AKAP6: variants seen among roughly 807,000 people sequenced by gnomAD.
AKAP6 encodes A-kinase anchor protein 6.
In AKAP6, 58 loss-of-function variants were observed where a neutral mutation model predicts 188.5. That is an observed-to-expected ratio of 0.31 (90% CI 0.25 to 0.38). AKAP6 has a LOEUF of 0.38. Ranked by LOEUF, AKAP6 falls within the 10% of genes least tolerant of loss-of-function variation. AKAP6 has a pLI of 1.00. For synonymous variants in AKAP6, 989 were observed against 998.6 expected (o/e 0.99, Z 0.18); for missense variants, 2,710 against 2,740.0 (o/e 0.99, Z 0.24).
intron 12 of AKAP6, among the ~76,000 whole-genome samples, chr14:32,820,207 TGCATAA>T (rs2034484987): frequency 6.6e-6 from 1 of 152,022 alleles, no homozygotes; most frequent in South Asian, 2.1e-4. Flanking sequence ...TTGGCTACGC[TGCATAA>T]GCATAAGCTG....
intron 2 of AKAP6, among the ~76,000 whole-genome samples, chr14:32,529,207 A>G (rs1449635468): frequency 2.0e-5 from 3 of 152,146 alleles, no homozygotes; most frequent in African/African-American, 7.2e-5. Flanking sequence ...TTTATACCTA[A>G]GATTTCATTT....
intron 2 of AKAP6, among the ~76,000 whole-genome samples, chr14:32,527,775 C>T (rs1882207139): frequency 6.6e-6 from 1 of 152,036 alleles, no homozygotes; most frequent in African/African-American, 2.4e-5. Flanking sequence ...CTGTTAAGGT[C>T]TTTGGACTGT....
chr14:32,562,097 C>T lies in AKAP6; in HGVS notation c.2347-15023C>T, dbSNP rs1883982796. Among the ~76,000 whole-genome samples, 3 of 152,074 alleles carry T rather than the reference C, an allele frequency of 2.0e-5. 1 individual carries two copies. The South Asian group carries it at 6.2e-4, about 32-fold the overall frequency. On this transcript the variant is annotated intron_variant, in intron 4 of 13. Coordinates refer to ENST00000280979, the MANE Select transcript of AKAP6 (RefSeq NM_004274.5). ...CTGTAATATCTGCTTCATACGCTTT[C>T]CATTCTCAGGTTGATGAGGCTCAGT...
intron 1 of AKAP6, among the ~76,000 whole-genome samples, chr14:32,366,733 G>C (rs917636475): frequency 2.6e-5 from 4 of 151,984 alleles, no homozygotes; most frequent in South Asian, 2.1e-4. Context: ...TTGGGGAGTA[G>C]TGGTGGAAAG....
chr14:32,797,682 C>G (rs185932446), intron 12 of AKAP6, among the ~76,000 whole-genome samples: 2 of 151,966 alleles, frequency 1.3e-5, no homozygotes, highest in Non-Finnish European at 2.9e-5. Flanking sequence ...GAGCTTAATA[C>G]CTAGGTGATG....
chr14:32,485,241 T>A (rs1470286068), intron 2 of AKAP6, among the ~76,000 whole-genome samples: 1 of 150,702 alleles, frequency 6.6e-6, no homozygotes, highest in Non-Finnish European at 1.5e-5. Flanking sequence ...GTTCCAAGTC[T>A]TTGCTATTGT....
chr14:32,747,892 C>T (rs945778381), intron 11 of AKAP6, among the ~76,000 whole-genome samples: 4 of 152,138 alleles, frequency 2.6e-5, no homozygotes, highest in African/African-American at 9.7e-5. Context: ...TTTGAGAAGG[C>T]AGAGATACAG....
chr14:32,815,279 A>G (rs1355332221), intron 12 of AKAP6, among the ~76,000 whole-genome samples: 4 of 152,102 alleles, frequency 2.6e-5, no homozygotes, highest in Non-Finnish European at 4.4e-5. Context: ...CATTCACTAG[A>G]ACAGTTTTTG....
intron 1 of AKAP6, among the ~76,000 whole-genome samples, chr14:32,428,133 A>T (rs1890094513): frequency 6.6e-6 from 1 of 152,182 alleles, no homozygotes; most frequent in Non-Finnish European, 1.5e-5. Flanking sequence ...TTAACACAGT[A>T]CTATTAATTT....
chr14:32,748,824 C>T (rs960537911), intron 11 of AKAP6, among the ~76,000 whole-genome samples: 1 of 152,074 alleles, frequency 6.6e-6, no homozygotes. Flanking sequence ...TTGAGCAAGG[C>T]GGCACACCAT....
rs762626582 is a variant in AKAP6 at position 32,732,531 on chromosome 14, T to C, written c.3078T>C (p.Gly1026=). ...GTAAGGTTGAAGCTTTGAAGAAAGG[T>C]GGCGTTTTACTACCAAATGATCTCC... ...LLSKVEALKK[G]GVLLPNDLLE... Residue 1026 remains glycine (G), a synonymous_variant, in exon 10 of 14, where the codon GGT becomes GGC. Coordinates refer to ENST00000280979, the MANE Select transcript of AKAP6 (RefSeq NM_004274.5). 5.0e-6 allele frequency: 8 copies of C among 1,613,576 alleles called. No homozygotes were observed. Among genetic ancestry groups the C allele is most frequent in the Non-Finnish European group, 5.9e-6 (7 of 1,179,664 alleles).
chr14:32,454,378 G>T (rs1891047848), intron 2 of AKAP6, among the ~76,000 whole-genome samples: 1 of 152,180 alleles, frequency 6.6e-6, no homozygotes. Flanking sequence ...TCATGTGCTA[G>T]AACACAACCG....
intron 5 of AKAP6, among the ~76,000 whole-genome samples, chr14:32,595,904 G>C (rs1054768285): frequency 7.2e-5 from 11 of 152,050 alleles, no homozygotes; most frequent in African/African-American, 2.4e-4. Flanking sequence ...GATAAGGATT[G>C]TGTATTGTTA....
At chr14:32,757,856 G>A (rs909710743) in intron 11 of AKAP6, among the ~76,000 whole-genome samples, 1 of 152,198 alleles carries the variant, frequency 6.6e-6, no homozygotes, top group Non-Finnish European at 1.5e-5. Flanking sequence ...GAAGAGAAGT[G>A]AGGAAATTCC....
intron 12 of AKAP6, among the ~76,000 whole-genome samples, chr14:32,780,134 G>C (rs1048632305): frequency 1.3e-4 from 13 of 98,836 alleles, no homozygotes. Context: ...TAGATGAATG[G>C]AAAAAGAAAT....
intron 9 of AKAP6, among the ~76,000 whole-genome samples, chr14:32,716,159 A>T (rs1229093325): frequency 6.6e-6 from 1 of 151,924 alleles, no homozygotes; most frequent in Non-Finnish European, 1.5e-5. Flanking sequence ...TTCTTAATCA[A>T]TAGCCTTTTA....
chr14:32,767,436 A>G (rs1050002247), intron 11 of AKAP6, among the ~76,000 whole-genome samples: 1 of 152,250 alleles, frequency 6.6e-6, no homozygotes, highest in South Asian at 2.1e-4. Flanking sequence ...CATCATTCAC[A>G]TGCATACAAA....
At chr14:32,342,160 A>G (rs1008522689) in intron 1 of AKAP6, among the ~76,000 whole-genome samples, 2 of 152,188 alleles carry the variant, frequency 1.3e-5, no homozygotes, top group Non-Finnish European at 2.9e-5. Flanking sequence ...GATGACTCAT[A>G]AATTCAGATT....
chr14:32,829,063 G>A (rs1594995027), intron 13 of AKAP6, among the ~76,000 whole-genome samples: 1 of 152,166 alleles, frequency 6.6e-6, no homozygotes, highest in African/African-American at 2.4e-5. Context: ...GCTGGTCAGG[G>A]GGACTTACAA....
Sources: gnomAD v4.1 joint callset for allele counts (sites outside exome capture counted in the v4.1 genomes callset) on GRCh38, gnomAD v4.1.1 for gene constraint, MANE v1.5 for transcripts, NCBI Gene and HGNC (gene_info 2026-07-23, HGNC 2026-07-21) for gene names.